The following MICAL2 variants were observed in gnomAD, a reference collection of about 807,000 sequenced individuals.
MICAL2 encodes the protein microtubule associated monooxygenase, calponin and LIM domain containing 2.
MICAL2 carries 77 observed loss-of-function variants against 127.3 expected under a neutral mutation model. The ratio of observed to expected loss-of-function variants is 0.60; its 90% CI spans 0.50 to 0.73. The LOEUF (loss-of-function observed/expected upper bound fraction) is 0.73. Among genes scored for constraint, MICAL2 ranks in the 30% least tolerant of loss-of-function variants. The pLI, the probability that MICAL2 is intolerant of heterozygous loss-of-function variation, is 0.00. For missense variants in MICAL2, 1,351 were observed against 1,434.4 expected, an observed-to-expected ratio of 0.94 and a Z score of 0.94; for synonymous variants, 570 against 551.1, an observed-to-expected ratio of 1.03 and a Z score of -0.48.
chr11:12,220,105 G>A, intron 8 of MICAL2, 96 bp from the exon 9 acceptor site: 1 of 1,449,350 alleles, frequency 6.9e-7, no homozygotes, highest in Non-Finnish European at 9.5e-7. Context: ...TAGCCTCACT[G>A]TAGGGACCCA....
chr11:12,356,859 A>G (rs1194579997), intron 34 of MICAL2, among the ~76,000 whole-genome samples: 1 of 152,166 alleles, frequency 6.6e-6, no homozygotes, highest in African/African-American at 2.4e-5. Context: ...CTGCCCAACC[A>G]TGAAGTACTG....
intron 6 of MICAL2, among the ~76,000 whole-genome samples, chr11:12,210,058 ATTAT>A (rs1371803260): frequency 2.6e-5 from 4 of 152,156 alleles, no homozygotes; most frequent in Non-Finnish European, 5.9e-5. Flanking sequence ...CAAGTGTAAT[ATTAT>A]TTATACTTGA....
chr11:12,117,818 G>A (rs1451057388), intron 1 of MICAL2, among the ~76,000 whole-genome samples: 2 of 152,184 alleles, frequency 1.3e-5, no homozygotes, highest in Non-Finnish European at 2.9e-5. Context: ...GTAAGAAGGA[G>A]GCTACATCAT....
chr11:12,256,831 C>G lies in MICAL2; in HGVS notation c.3002C>G (p.Thr1001Arg). ...SFPLNLGGSD[T>R]CYFCKKRVYV... ...CCCCTTAACCTGGGAGGCAGCGACACGTGTTACTTCTGTAAGAAACGTGTG... is the reference window on the plus strand; with the variant it reads ...CCCCTTAACCTGGGAGGCAGCGACAGGTGTTACTTCTGTAAGAAACGTGTG... Residue 1001 changes from threonine (T) to arginine (R), a missense_variant, in exon 24 of 28, where the codon ACG becomes AGG. Around this residue, in one of 2 missense-constraint regions of MICAL2, gnomAD observed 752 missense variants for 719.4 expected, o/e 1.05. Coordinates refer to ENST00000683283, the MANE Select transcript of MICAL2 (RefSeq NM_001282663.2). 6.2e-7 allele frequency: 1 copy of G among 1,613,950 alleles called. No individual in the cohort carries two copies.
At chr11:12,195,433 T>A (rs182635039) in intron 3 of MICAL2, among the ~76,000 whole-genome samples, 443 of 152,302 alleles carry the variant, frequency 2.9e-3, no homozygotes, top group African/African-American at 0.01. Flanking sequence ...AATAGATACA[T>A]GCTAAAGCAA....
intron 2 of MICAL2, among the ~76,000 whole-genome samples, chr11:12,157,747 C>A (rs868377403): frequency 6.6e-6 from 1 of 152,058 alleles, no homozygotes; most frequent in South Asian, 2.1e-4. Flanking sequence ...GGAAGGATAG[C>A]CACCAAAGGT....
chr11:12,133,318 G>T (rs1276643087), intron 1 of MICAL2, among the ~76,000 whole-genome samples: 2 of 152,160 alleles, frequency 1.3e-5, no homozygotes, highest in East Asian at 3.9e-4. Flanking sequence ...CTGACCTCAA[G>T]CGATCTGCCT....
At chr11:12,349,217 T>A (rs957333553) in intron 32 of MICAL2, among the ~76,000 whole-genome samples, 3 of 152,332 alleles carry the variant, frequency 2.0e-5, no homozygotes, top group Admixed American at 1.3e-4. Context: ...TGATTCTTCT[T>A]CTGTTTAATA....
chr11:12,293,517 A>G (rs754623714), downstream of MICAL2: 3 of 1,532,884 alleles, frequency 2.0e-6, no homozygotes, highest in African/African-American at 4.1e-5. Context: ...TAAATAAATG[A>G]TGAAAATTTT....
At chr11:12,344,472 CTA>C (rs1327018307) in intron 32 of MICAL2, among the ~76,000 whole-genome samples, 57 of 141,476 alleles carry the variant, frequency 4.0e-4, no homozygotes, top group Admixed American at 9.9e-4. Context: ...ATTCTAGAAA[CTA>C]TTATTATTAT....
chr11:12,162,253 A>G lies in MICAL2; in HGVS notation c.98A>G (p.Asn33Ser), dbSNP rs1280987354. The G allele has an allele frequency of 2.5e-6, 4 of 1,614,138 alleles. No individual in the cohort carries two copies. Among genetic ancestry groups the G allele is most frequent in the Non-Finnish European group, 3.4e-6 (4 of 1,180,060 alleles). Residue 33 changes from asparagine to serine, a missense_variant, in exon 3 of 28, where the codon AAC becomes AGC. Asn to Ser is a conservative substitution (Grantham distance 46, BLOSUM62 1). Coordinates refer to ENST00000683283, the MANE Select transcript of MICAL2 (RefSeq NM_001282663.2). Reference protein sequence around the residue: ...STCKGTLQAFNILTRHLDLDP... With the variant: ...STCKGTLQAFSILTRHLDLDP... ...TGCAAAGGTACCCTCCAGGCCTTCA[A>G]CATTCTCACACGACACCTGGACCTA...
intron 26 of MICAL2, chr11:12,261,668 T>C (rs1863129286): frequency 6.1e-6 from 6 of 985,272 alleles, no homozygotes; most frequent in African/African-American, 1.7e-5. Context: ...AGCTTTGAGA[T>C]GACAGTTTCT....
intron 26 of MICAL2, chr11:12,260,364 A>C (rs1338988583): frequency 1.5e-5 from 19 of 1,305,098 alleles, no homozygotes; most frequent in Non-Finnish European, 1.8e-5. Flanking sequence ...TGCTAGGGCC[A>C]GGGATGATAT....
At chr11:12,182,847 C>T (rs887191374) in intron 3 of MICAL2, among the ~76,000 whole-genome samples, 2 of 152,170 alleles carry the variant, frequency 1.3e-5, no homozygotes, top group Non-Finnish European at 2.9e-5. Flanking sequence ...GTAGGCCGAT[C>T]CTCTGCTCAC....
intron 29 of MICAL2, among the ~76,000 whole-genome samples, chr11:12,310,435 C>G (rs1479976514): frequency 6.6e-6 from 1 of 152,158 alleles, no homozygotes; most frequent in Non-Finnish European, 1.5e-5. Flanking sequence ...AAGAAACTAT[C>G]CATTCCCCAA....
chr11:12,235,659 A>T (rs1271243025), intron 15 of MICAL2, among the ~76,000 whole-genome samples: 1 of 152,176 alleles, frequency 6.6e-6, no homozygotes, highest in Non-Finnish European at 1.5e-5. Context: ...TAGGCAGCTC[A>T]TTTGAGCCCT....
At chr11:12,336,709 A>T (rs1938770869) in intron 32 of MICAL2, among the ~76,000 whole-genome samples, 1 of 152,070 alleles carries the variant, frequency 6.6e-6, no homozygotes, top group Non-Finnish European at 1.5e-5. Context: ...TATTGAGATA[A>T]TCATGTGGTT....
chr11:12,259,299 T>C (rs995571576), intron 25 of MICAL2, among the ~76,000 whole-genome samples: 5 of 152,240 alleles, frequency 3.3e-5, no homozygotes, highest in African/African-American at 1.2e-4. Context: ...TAGAGTTTTA[T>C]ATTCTTCCTT....
At chr11:12,309,832 A>T (rs1590732137) in intron 29 of MICAL2, among the ~76,000 whole-genome samples, 1 of 152,216 alleles carries the variant, frequency 6.6e-6, no homozygotes, top group East Asian at 1.9e-4. Context: ...CATCCTTGCC[A>T]GCATTTTTGA....
Sources: gnomAD v4.1 joint callset for allele counts (sites outside exome capture counted in the v4.1 genomes callset) on GRCh38, gnomAD v4.1.1 for gene constraint, gnomAD v4.1.1 regional missense constraint, MANE v1.5 for transcripts, NCBI Gene and HGNC (gene_info 2026-07-23, HGNC 2026-07-21) for gene names.